The following MAP7 variants were observed in gnomAD, a reference collection of about 807,000 sequenced individuals.
MAP7 encodes microtubule associated protein 7, also known as ensconsin.
In MAP7, 52 loss-of-function variants were observed where a neutral mutation model predicts 94.8. The observed-to-expected ratio is 0.55, with a 90% CI of 0.44 to 0.69. The LOEUF (loss-of-function observed/expected upper bound fraction) is 0.69, where lower values mean the gene tolerates loss of function less well. Ranked by LOEUF, MAP7 falls within the 30% of genes least tolerant of loss-of-function variation. The pLI, the probability that MAP7 is intolerant of heterozygous loss-of-function variation, is 0.00. For missense variants in MAP7, 940 were observed against 964.6 expected (o/e 0.97, Z 0.34); for synonymous variants, 350 against 357.0 (o/e 0.98, Z 0.22).
intron 1 of MAP7, among the ~76,000 whole-genome samples, chr6:136,510,678 T>A (rs1466597488): frequency 6.6e-6 from 1 of 152,140 alleles, no homozygotes; most frequent in African/African-American, 2.4e-5. Flanking sequence ...CACAGTAAGA[T>A]ATTTTGGGAG....
chr6:136,448,964 A>G (rs1403256853), intron 1 of MAP7, among the ~76,000 whole-genome samples: 3 of 151,262 alleles, frequency 2.0e-5, no homozygotes, highest in Non-Finnish European at 4.4e-5. Flanking sequence ...GCATGCCTAC[A>G]TACAATGTTC....
At chr6:136,452,269 T>C (rs1801388054) in intron 1 of MAP7, among the ~76,000 whole-genome samples, 1 of 151,816 alleles carries the variant, frequency 6.6e-6, no homozygotes, top group Non-Finnish European at 1.5e-5. Flanking sequence ...TTGTTTCTTA[T>C]GGATGAACAA....
rs773876912 is a variant in MAP7 at position 136,375,092 on chromosome 6, G to A, written c.752-2467C>T. Among the ~76,000 whole-genome samples the A allele has an allele frequency of 3.9e-5, 6 of 151,968 alleles. No homozygotes were observed. In the East Asian group the frequency reaches 5.8e-4, roughly 15 times the overall value. Reference sequence around the variant, plus strand: ...TGAACTCGTTCAGGATTTTCTATACGAAATAATGGGTGCAGAGAAAAGATA... The same window carrying A: ...TGAACTCGTTCAGGATTTTCTATACAAAATAATGGGTGCAGAGAAAAGATA... On this transcript the variant is annotated intron_variant, in intron 7 of 17. Coordinates refer to ENST00000354570, the MANE Select transcript of MAP7 (RefSeq NM_003980.6).
chr6:136,384,494 CTTT>C (rs760985416), intron 5 of MAP7, among the ~76,000 whole-genome samples: 1 of 140,548 alleles, frequency 7.1e-6, no homozygotes, highest in Admixed American at 7.1e-5. Flanking sequence ...TTTAAAATTT[CTTT>C]TTTTTTTTTT....
chr6:136,520,536 C>T (rs1230132747), intron 1 of MAP7, among the ~76,000 whole-genome samples: 3 of 152,130 alleles, frequency 2.0e-5, no homozygotes, highest in Non-Finnish European at 4.4e-5. Flanking sequence ...CTTACAGTGT[C>T]AAGAAGGACA....
intron 16 of MAP7, among the ~76,000 whole-genome samples, chr6:136,348,592 G>A (rs949453062): frequency 6.6e-5 from 10 of 152,212 alleles, no homozygotes; most frequent in Non-Finnish European, 7.3e-5. Flanking sequence ...TCCAAAATGT[G>A]TACAGGCAGG....
chr6:136,376,227 T>C (rs564762127), intron 7 of MAP7, among the ~76,000 whole-genome samples: 2 of 152,212 alleles, frequency 1.3e-5, no homozygotes, highest in South Asian at 4.1e-4. Context: ...GCCTCCACAG[T>C]AGCTGGGACT....
intron 5 of MAP7, among the ~76,000 whole-genome samples, chr6:136,386,196 T>C (rs558240217): frequency 1.3e-4 from 20 of 152,324 alleles, no homozygotes; most frequent in African/African-American, 4.8e-4. Flanking sequence ...GTACCCATCA[T>C]ACATCAGGTA....
chr6:136,393,223 G>A (rs1035942775), intron 3 of MAP7, among the ~76,000 whole-genome samples: 1 of 151,990 alleles, frequency 6.6e-6, no homozygotes, highest in African/African-American at 2.4e-5. Flanking sequence ...TCTCCTTAAT[G>A]CACCTCCCAT....
chr6:136,459,471 A>C (rs894121867), intron 1 of MAP7, among the ~76,000 whole-genome samples: 2 of 152,212 alleles, frequency 1.3e-5, no homozygotes, highest in Non-Finnish European at 2.9e-5. Context: ...TACTTACTGC[A>C]GCATTATGTA....
chr6:136,351,248 A>C (rs907284016), intron 16 of MAP7, among the ~76,000 whole-genome samples: 27 of 145,780 alleles, frequency 1.9e-4, no homozygotes, highest in Admixed American at 1.3e-3. Flanking sequence ...AAAAAAAAAA[A>C]AAAAACGAAA....
intron 7 of MAP7, among the ~76,000 whole-genome samples, chr6:136,376,259 C>T (rs950720504): frequency 3.9e-5 from 6 of 152,078 alleles, no homozygotes; most frequent in African/African-American, 4.8e-5. Context: ...CCACCACGCC[C>T]GGCTAATTTT....
intron 1 of MAP7, chr6:136,525,743 G>A (rs751361276): frequency 1.8e-5 from 25 of 1,385,880 alleles, no homozygotes; most frequent in Middle Eastern, 2.5e-4. Context: ...GAGCATGCAC[G>A]AGCAGCACAG....
chr6:136,419,630 G>A (rs1384595582), intron 2 of MAP7, among the ~76,000 whole-genome samples: 3 of 152,148 alleles, frequency 2.0e-5, no homozygotes, highest in African/African-American at 7.2e-5. Context: ...TTAAAGGTGA[G>A]AAACAGTTCT....
chr6:136,517,039 T>C (rs1010575330), intron 1 of MAP7, among the ~76,000 whole-genome samples: 1 of 152,152 alleles, frequency 6.6e-6, no homozygotes, highest in Non-Finnish European at 1.5e-5. Context: ...TACTGTTCCC[T>C]GATTAAGGCA....
intron 1 of MAP7, among the ~76,000 whole-genome samples, chr6:136,464,319 TTC>T (rs2128921601): frequency 6.6e-6 from 1 of 152,350 alleles, no homozygotes; most frequent in South Asian, 2.1e-4. Flanking sequence ...TGGTTTCACT[TTC>T]TGAGGTTCCT....
chr6:136,350,169 T>C (rs1788760507), intron 16 of MAP7, among the ~76,000 whole-genome samples: 1 of 152,180 alleles, frequency 6.6e-6, no homozygotes, highest in South Asian at 2.1e-4. Flanking sequence ...TGGATTTTCA[T>C]GGAGTATCAG....
At position 136,507,486 on chromosome 6, in the gene MAP7, A is replaced by G. The variant is rs557364213; in HGVS notation, c.67+42856T>C. Among the ~76,000 whole-genome samples the G allele has an allele frequency of 1.4e-3, 215 of 151,800 alleles. 5 individuals are homozygous for G. In the South Asian group the frequency reaches 0.017, roughly 12 times the overall value. On this transcript the variant is annotated intron_variant, in intron 1 of 17. Transcript: ENST00000354570. ...CAGGAGAAGATTCTCAAAAAAAAAA[A>G]AAAAAAGAAAAAACAAATTTTATTT... is the stretch of plus-strand genomic sequence containing the variant.
At position 136,449,258 on chromosome 6, in the gene MAP7, A is replaced by G. The variant is rs182780826; in HGVS notation, c.68-27459T>C. On this transcript the variant is annotated intron_variant, in intron 1 of 17. Coordinates refer to ENST00000354570, the MANE Select transcript of MAP7 (RefSeq NM_003980.6). Reference sequence around the variant, plus strand: ...CGCAGTGAGCAGAGATCGCACCACTACACTCCAGCCTGGGCCACAGAGCAA... The same window carrying G: ...CGCAGTGAGCAGAGATCGCACCACTGCACTCCAGCCTGGGCCACAGAGCAA... 2.6e-3 allele frequency among the ~76,000 whole-genome samples: 400 copies of G among 152,236 alleles called. 2 individuals are homozygous for G. Among genetic ancestry groups the G allele is most frequent in the African/African-American group, 8.9e-3 (371 of 41,534 alleles).
Sources: allele counts gnomAD v4.1 joint callset (sites outside exome capture counted in the v4.1 genomes callset), GRCh38; gene constraint gnomAD v4.1.1; transcripts MANE v1.5; gene names NCBI Gene and HGNC (gene_info 2026-07-23, HGNC 2026-07-21).